The following UBR1 variants were observed in gnomAD, a reference collection of about 807,000 sequenced individuals.
The protein encoded by UBR1 is ubiquitin protein ligase E3 component n-recognin 1.
UBR1 carries 102 observed loss-of-function variants against 242.1 expected under a neutral mutation model. The ratio of observed to expected loss-of-function variants is 0.42; its 90% CI spans 0.36 to 0.50. UBR1 has a LOEUF of 0.50. Among genes scored for constraint, UBR1 ranks in the 20% least tolerant of loss-of-function variants. The probability of loss-of-function intolerance (pLI) is 0.01; values close to 1 mark genes in which losing one functional copy is unlikely to be tolerated. For missense variants in UBR1, 1,772 were observed against 2,101.8 expected (o/e 0.84, Z 3.07); for synonymous variants, 675 against 684.8 (o/e 0.99, Z 0.22).
chr15:42,956,247 G>T (rs1379587191), intron 44 of UBR1, among the ~76,000 whole-genome samples: 1 of 152,170 alleles, frequency 6.6e-6, no homozygotes, highest in Non-Finnish European at 1.5e-5. Flanking sequence ...TGATATCATA[G>T]AAAATGGTAG....
At chr15:43,029,243 A>G (rs537376760) in intron 21 of UBR1, among the ~76,000 whole-genome samples, 3 of 152,362 alleles carry the variant, frequency 2.0e-5, no homozygotes, top group East Asian at 3.8e-4. Context: ...GGGAAAAAAC[A>G]TGAGACTCAT....
chr15:43,006,324 A>G (rs149717813), intron 30 of UBR1, among the ~76,000 whole-genome samples: 12 of 152,336 alleles, frequency 7.9e-5, no homozygotes, highest in African/African-American at 2.9e-4. Context: ...GGCAATGTTA[A>G]GTTTTCAATA....
intron 29 of UBR1, chr15:43,011,855 T>G (rs929933491): frequency 2.3e-6 from 1 of 435,824 alleles, no homozygotes; most frequent in African/African-American, 2.0e-5. Context: ...GCAACCTAAA[T>G]GTCTAAAGTC....
At chr15:43,071,014 T>G in intron 4 of UBR1, 89 bp from the exon 5 acceptor site, 1 of 1,518,100 alleles carries the variant, frequency 6.6e-7, no homozygotes, top group Non-Finnish European at 9.0e-7. Context: ...ATAATCACTT[T>G]GCTGAATTCA....
intron 4 of UBR1, among the ~76,000 whole-genome samples, chr15:43,074,248 T>C (rs895318212): frequency 6.6e-6 from 1 of 152,200 alleles, no homozygotes; most frequent in African/African-American, 2.4e-5. Context: ...TAATTGTCTA[T>C]ATCTGGGCTT....
At position 43,008,438 on chromosome 15, in the gene UBR1, G is replaced by A. The variant is rs116805037; in HGVS notation, c.3210-1154C>T. On this transcript the variant is annotated intron_variant, in intron 29 of 46. Transcript: ENST00000290650. ...GACATGTCAGCCCCCTCCTGCCTTG[G>A]ACCCCTCTGGTCTTTGGGTGCTGAT... Among the ~76,000 whole-genome samples, 913 of 152,390 alleles carry A rather than the reference G, an allele frequency of 6.0e-3. 12 individuals carry two copies. The highest frequency in any genetic ancestry group is 0.02 in the African/African-American group (843 of 41,594).
chr15:42,952,561 A>G, intron 44 of UBR1, 113 bp from the exon 45 acceptor site: 1 of 1,201,690 alleles, frequency 8.3e-7, no homozygotes, highest in South Asian at 1.3e-5. Context: ...CCTTTCCAGC[A>G]AGGAAGCTCT....
At chr15:42,979,236 G>C (rs1437744622) in intron 37 of UBR1, among the ~76,000 whole-genome samples, 1 of 149,768 alleles carries the variant, frequency 6.7e-6, no homozygotes, top group African/African-American at 2.5e-5. Flanking sequence ...TAGAGATGGG[G>C]TTTCACAATG....
At chr15:42,949,129 G>A (rs549411733) in intron 46 of UBR1, among the ~76,000 whole-genome samples, 2 of 152,092 alleles carry the variant, frequency 1.3e-5, no homozygotes, top group Admixed American at 6.5e-5. Context: ...GTCCTTTGTA[G>A]GGACATGGAT....
chr15:43,002,631 A>G lies in UBR1; in HGVS notation c.3583T>C (p.Tyr1195His). 1 of 1,614,200 alleles carries G rather than the reference A, an allele frequency of 6.2e-7. No individual in the cohort carries two copies. The highest frequency in any genetic ancestry group is 8.5e-7 in the Non-Finnish European group (1 of 1,180,034). The change falls in exon 32 of 47, where the codon TAT becomes CAT. Residue 1195 changes from tyrosine (Y) to histidine (H), a missense_variant. Transcript: ENST00000290650. ...VDLFDLESGE[Y>H]LCPLCKSLCN... The stretch of plus-strand genomic sequence containing the variant: ...AGAGATTTGCAAAGAGGGCAAAGAT[A>G]TTCTCCACTTTCCAAGTCAAAAAGG...
At chr15:43,059,500 T>C (rs1398939265) in intron 8 of UBR1, among the ~76,000 whole-genome samples, 2 of 151,652 alleles carry the variant, frequency 1.3e-5, no homozygotes, top group Admixed American at 6.6e-5. Flanking sequence ...AATAAAAAGA[T>C]ATTATTTGAT....
At chr15:43,065,904 C>T (rs771310979) in intron 6 of UBR1, among the ~76,000 whole-genome samples, 16 of 152,020 alleles carry the variant, frequency 1.1e-4, no homozygotes, top group Non-Finnish European at 1.9e-4. Flanking sequence ...CAAAAATGTT[C>T]TCTTATTCTG....
chr15:43,040,665 G>A (rs1596114582), intron 15 of UBR1, among the ~76,000 whole-genome samples: 1 of 152,154 alleles, frequency 6.6e-6, no homozygotes, highest in Non-Finnish European at 1.5e-5. Flanking sequence ...GCAACCTACA[G>A]AATGGGAGAA....
chr15:43,036,981 T>A (rs1399240972), intron 17 of UBR1, among the ~76,000 whole-genome samples: 2 of 152,054 alleles, frequency 1.3e-5, no homozygotes, highest in East Asian at 3.8e-4. Context: ...CATGTAGGTT[T>A]GTTACAGAGG....
chr15:43,082,758 C>T (rs746053901), intron 2 of UBR1, 42 bp from the exon 3 acceptor site: 2 of 1,405,592 alleles, frequency 1.4e-6, no homozygotes, highest in East Asian at 2.3e-5. Context: ...TTAGATGACT[C>T]CCACTGATGC....
intron 11 of UBR1, among the ~76,000 whole-genome samples, chr15:43,056,046 T>C (rs1216684663): frequency 2.0e-5 from 3 of 152,246 alleles, no homozygotes; most frequent in Non-Finnish European, 4.4e-5. Context: ...TAGTTTTATC[T>C]TATTCTATCT....
At chr15:43,043,428 A>G (rs762092932) in intron 14 of UBR1, 33 bp from the exon 15 acceptor site, 25 of 1,607,916 alleles carry the variant, frequency 1.6e-5, no homozygotes, top group Non-Finnish European at 2.1e-5. Flanking sequence ...AAAGTTGACA[A>G]GTTTTCTACT....
At chr15:42,962,985 T>C (rs907519134) in intron 42 of UBR1, among the ~76,000 whole-genome samples, 8 of 152,160 alleles carry the variant, frequency 5.3e-5, no homozygotes, top group African/African-American at 1.9e-4. Flanking sequence ...GGCAAGGACT[T>C]TCTGTTTCAA....
At chr15:42,966,038 G>A in intron 41 of UBR1, 115 bp downstream of exon 41, 1 of 1,478,926 alleles carries the variant, frequency 6.8e-7, no homozygotes, top group Non-Finnish European at 9.3e-7. Flanking sequence ...ACACATGAAA[G>A]AAATGGGGAG....
Sources: gnomAD v4.1 joint callset for allele counts (sites outside exome capture counted in the v4.1 genomes callset) on GRCh38, gnomAD v4.1.1 for gene constraint, MANE v1.5 for transcripts, NCBI Gene and HGNC (gene_info 2026-07-23, HGNC 2026-07-21) for gene names.